CD44: variants seen among roughly 807,000 people sequenced by gnomAD.
CD44 encodes CD44 molecule (IN blood group).
A neutral mutation model predicts 88.8 loss-of-function variants in CD44; 49 were observed. That is an observed-to-expected ratio of 0.55 (90% CI 0.44 to 0.70). The LOEUF (loss-of-function observed/expected upper bound fraction) is 0.70, where lower values mean the gene tolerates loss of function less well. Ranked by LOEUF, CD44 falls within the 30% of genes least tolerant of loss-of-function variation. CD44 has a pLI of 0.00. For missense variants in CD44, 883 were observed against 913.8 expected, an observed-to-expected ratio of 0.97 and a Z score of 0.43; for synonymous variants, 325 against 312.3, an observed-to-expected ratio of 1.04 and a Z score of -0.43.
chr11:35,218,517 C>T (rs1479785825), intron 15 of CD44, among the ~76,000 whole-genome samples: 1 of 151,964 alleles, frequency 6.6e-6, no homozygotes, highest in Non-Finnish European at 1.5e-5. Context: ...TTAGTAGAGA[C>T]GGGGTTTCAC....
intron 1 of CD44, among the ~76,000 whole-genome samples, chr11:35,159,661 T>C (rs1009527529): frequency 2.0e-5 from 3 of 152,176 alleles, no homozygotes; most frequent in African/African-American, 2.4e-5. Flanking sequence ...AACTTCTCTT[T>C]GAGAGAGGCA....
intron 1 of CD44, among the ~76,000 whole-genome samples, chr11:35,165,612 C>G (rs965162338): frequency 6.6e-6 from 1 of 152,176 alleles, no homozygotes; most frequent in African/African-American, 2.4e-5. Flanking sequence ...TTCTGAGAAG[C>G]TTTTTGAGAT....
At chr11:35,179,138 G>T (rs142643371) in intron 2 of CD44, among the ~76,000 whole-genome samples, 4 of 152,246 alleles carry the variant, frequency 2.6e-5, no homozygotes, top group Admixed American at 6.5e-5. Flanking sequence ...ATAGGTAGGA[G>T]TTCTGTGTGC....
intron 13 of CD44, 152 bp from the exon 14 acceptor site, chr11:35,211,094 T>C (rs1948348101): frequency 6.4e-6 from 4 of 625,346 alleles, no homozygotes; most frequent in South Asian, 5.7e-5. Flanking sequence ...ATATTTATTC[T>C]GTTCAATAGT....
intron 14 of CD44, among the ~76,000 whole-genome samples, chr11:35,213,388 G>A (rs758747221): frequency 2.0e-5 from 3 of 152,032 alleles, no homozygotes; most frequent in Admixed American, 1.3e-4. Flanking sequence ...CAGTCTTTAC[G>A]CTTAATGTTA....
chr11:35,208,027 A>C, intron 11 of CD44, 78 bp from the exon 12 acceptor site: 1 of 821,442 alleles, frequency 1.2e-6, no homozygotes, highest in Non-Finnish European at 2.1e-6. Context: ...TATTTAAAAA[A>C]ATCAGCTGTA....
intron 7 of CD44, among the ~76,000 whole-genome samples, chr11:35,200,241 A>G (rs937513203): frequency 3.7e-4 from 56 of 152,266 alleles, no homozygotes; most frequent in Non-Finnish European, 3.8e-4. Context: ...AACAATTAGG[A>G]TGGATTTGCA....
intron 14 of CD44, 31 bp downstream of exon 14, chr11:35,211,480 T>C (rs1313562761): frequency 4.6e-6 from 7 of 1,520,602 alleles, no homozygotes; most frequent in South Asian, 1.1e-5. Context: ...TAGTTTGCTT[T>C]CTCTATATAG....
intron 17 of CD44, chr11:35,222,826 A>C: frequency 1.0e-6 from 1 of 985,242 alleles, no homozygotes; most frequent in Non-Finnish European, 1.2e-6. Context: ...AGGTAAAAGA[A>C]ACTTATTTCC....
At chr11:35,184,760 A>G (rs887772232) in intron 3 of CD44, among the ~76,000 whole-genome samples, 1 of 152,180 alleles carries the variant, frequency 6.6e-6, no homozygotes, top group South Asian at 2.1e-4. Flanking sequence ...AAAATAATAA[A>G]TGAAGAGTTA....
At chr11:35,152,901 G>T (rs897656174) in intron 1 of CD44, among the ~76,000 whole-genome samples, 1 of 152,180 alleles carries the variant, frequency 6.6e-6, no homozygotes, top group Non-Finnish European at 1.5e-5. Flanking sequence ...CAGATGCTTT[G>T]CTAGTGCTGA....
chr11:35,174,482 TG>T (rs539342935), intron 1 of CD44, among the ~76,000 whole-genome samples: 257 of 152,358 alleles, frequency 1.7e-3, no homozygotes, highest in African/African-American at 5.7e-3. Context: ...ATAGTTTCAA[TG>T]ACTTAACCCT....
chr11:35,201,106 A>G lies in CD44; in HGVS notation c.947A>G (p.Asp316Gly). Residue 316 changes from aspartate to glycine, a missense_variant, in exon 8 of 18, where the codon GAC (aspartate) becomes GGC (glycine). Coordinates refer to ENST00000428726, the MANE Select transcript of CD44 (RefSeq NM_000610.4). ...STISTTPRAF[D>G]HTKQNQDWTQ... ...GTTTCAACCACACCACGGGCTTTTGACCACACAAAACAGAACCAGGACTGG... is the reference window on the plus strand; with the variant it reads ...GTTTCAACCACACCACGGGCTTTTGGCCACACAAAACAGAACCAGGACTGG... The G allele has an allele frequency of 1.2e-6, 2 of 1,613,954 alleles. No individual in the cohort carries two copies. Among genetic ancestry groups the G allele is most frequent in the Non-Finnish European group, 1.7e-6 (2 of 1,179,838 alleles).
intron 15 of CD44, among the ~76,000 whole-genome samples, chr11:35,217,728 C>T (rs1005074042): frequency 6.6e-6 from 1 of 152,114 alleles, no homozygotes; most frequent in Non-Finnish European, 1.5e-5. Context: ...GAGGAAAGCT[C>T]TCATTTAAGA....
At position 35,230,610 on chromosome 11, in the gene CD44, G is replaced by C. The variant is rs936974485; in HGVS notation, c.*1277G>C. On this transcript the variant is annotated 3_prime_UTR_variant, in exon 18 of 18. Coordinates refer to ENST00000428726, the MANE Select transcript of CD44 (RefSeq NM_000610.4). ...AGTTGCTATTTAGGATGAGTTAAGTGCCTGGGGAGTCCCTCAAAAGGTTAA... is the reference window on the plus strand; with the variant it reads ...AGTTGCTATTTAGGATGAGTTAAGTCCCTGGGGAGTCCCTCAAAAGGTTAA... The C allele has an allele frequency of 6.6e-6, 1 of 152,202 alleles. No individual in the cohort carries two copies. Among genetic ancestry groups the C allele is most frequent in the Non-Finnish European group, 1.5e-5 (1 of 68,038 alleles). The allele number at this position is 152,202 out of a possible 1,614,324, so 9.4% of individuals were successfully genotyped here.
At chr11:35,155,931 A>T (rs1941805611) in intron 1 of CD44, among the ~76,000 whole-genome samples, 1 of 152,190 alleles carries the variant, frequency 6.6e-6, no homozygotes. Context: ...GGTTGGCATT[A>T]CTGGCCTCCT....
rs1342150100 is a variant in CD44, at chr11:35,141,401, T to C, written c.67+2031T>C. Among the ~76,000 whole-genome samples the C allele has an allele frequency of 2.0e-5, 3 of 152,038 alleles. No homozygotes were observed. The East Asian group carries it at 5.8e-4, about 29-fold the overall frequency. On this transcript the variant is annotated intron_variant, in intron 1 of 17. Coordinates refer to ENST00000428726, the MANE Select transcript of CD44 (RefSeq NM_000610.4). ...GGAGCTCAAATAAGCCCTTGAAAAG[T>C]GGAAACATTCAGGATGGGAGAGAAG...
intron 1 of CD44, among the ~76,000 whole-genome samples, chr11:35,161,254 G>A (rs1438371390): frequency 1.3e-5 from 2 of 152,150 alleles, no homozygotes; most frequent in African/African-American, 2.4e-5. Context: ...TACTCAAAAA[G>A]CACCCCATAA....
chr11:35,157,321 G>GTCTATCTACCTATCTATCTATCTA (rs1554950203), intron 1 of CD44, among the ~76,000 whole-genome samples: 4 of 147,288 alleles, frequency 2.7e-5, no homozygotes, highest in African/African-American at 1.0e-4. Flanking sequence ...CTGTCTGTCT[G>GTCTATCTACCTATCTATCTATCTA]TCTATCTATC....
Sources: gnomAD v4.1 joint callset for allele counts (sites outside exome capture counted in the v4.1 genomes callset) on GRCh38, gnomAD v4.1.1 for gene constraint, MANE v1.5 for transcripts, NCBI Gene and HGNC (gene_info 2026-07-23, HGNC 2026-07-21) for gene names.